The following PTPRN2 variants were observed in gnomAD, a reference collection of about 807,000 sequenced individuals.
PTPRN2 encodes protein tyrosine phosphatase receptor type N2.
PTPRN2 carries 74 observed loss-of-function variants against 118.8 expected under a neutral mutation model. The observed-to-expected ratio is 0.62, with a 90% CI of 0.52 to 0.76. PTPRN2 has a LOEUF of 0.76. Ranked by LOEUF, PTPRN2 falls within the 30% of genes least tolerant of loss-of-function variation. The pLI is 0.00. For missense variants in PTPRN2, 1,481 were observed against 1,394.4 expected, an observed-to-expected ratio of 1.06 and a Z score of -0.99; for synonymous variants, 641 against 608.0, an observed-to-expected ratio of 1.05 and a Z score of -0.80.
At chr7:157,942,451 T>C (rs1048827654) in intron 11 of PTPRN2, among the ~76,000 whole-genome samples, 2 of 152,170 alleles carry the variant, frequency 1.3e-5, no homozygotes, top group Admixed American at 6.5e-5. Flanking sequence ...CTGAAAATGC[T>C]CCCACAGAAT....
chr7:157,984,713 CCT>C (rs1207496912), intron 11 of PTPRN2, among the ~76,000 whole-genome samples: 2 of 152,134 alleles, frequency 1.3e-5, no homozygotes, highest in Non-Finnish European at 2.9e-5. Flanking sequence ...CACTTTTCTC[CCT>C]GACTCCAGCT....
intron 15 of PTPRN2, among the ~76,000 whole-genome samples, chr7:157,606,663 C>T (rs1359730352): frequency 6.6e-6 from 1 of 152,268 alleles, no homozygotes. Context: ...CTGCGCACCT[C>T]CTGTGGGCGC....
intron 11 of PTPRN2, among the ~76,000 whole-genome samples, chr7:158,071,073 TGG>T (rs1563389144): frequency 6.2e-5 from 5 of 80,082 alleles, no homozygotes; most frequent in Non-Finnish European, 9.7e-5. Flanking sequence ...GTGCTCGTGG[TGG>T]TGGAGGTGCC....
chr7:157,788,735 C>T (rs1356304729), intron 12 of PTPRN2, among the ~76,000 whole-genome samples: 1 of 152,076 alleles, frequency 6.6e-6, no homozygotes, highest in Admixed American at 6.5e-5. Flanking sequence ...CGGGGCCACC[C>T]CACTGCCACG....
chr7:158,165,569 C>A (rs140171555), intron 6 of PTPRN2, among the ~76,000 whole-genome samples: 1 of 152,252 alleles, frequency 6.6e-6, no homozygotes, highest in Non-Finnish European at 1.5e-5. Context: ...GGAGAGCTCC[C>A]GGCTGCAGAC....
At chr7:158,260,196 G>A (rs1797306439) in intron 3 of PTPRN2, among the ~76,000 whole-genome samples, 1 of 152,208 alleles carries the variant, frequency 6.6e-6, no homozygotes, top group Admixed American at 6.5e-5. Context: ...ACAGTCACCA[G>A]GCTGCCTAAA....
intron 11 of PTPRN2, among the ~76,000 whole-genome samples, chr7:157,954,106 G>T (rs949970585): frequency 4.0e-5 from 6 of 151,724 alleles, no homozygotes; most frequent in African/African-American, 1.2e-4. Context: ...GTGCACGTGT[G>T]CTGTGTGGTG....
At chr7:157,736,405 G>A (rs1026441809) in intron 12 of PTPRN2, among the ~76,000 whole-genome samples, 5 of 152,182 alleles carry the variant, frequency 3.3e-5, no homozygotes, top group African/African-American at 9.7e-5. Context: ...CCAAAAGGGC[G>A]GCCCCGATCC....
intron 12 of PTPRN2, chr7:157,854,651 A>G (rs892740): frequency 0.76 from 116,068 of 152,748 alleles, 44,319 homozygotes; most frequent in East Asian, 0.91. Context: ...TGGCATGAGC[A>G]GGTGGAGCTG....
At chr7:157,859,766 A>C (rs1201455683) in intron 12 of PTPRN2, among the ~76,000 whole-genome samples, 2 of 104,718 alleles carry the variant, frequency 1.9e-5, no homozygotes, top group Non-Finnish European at 2.0e-5. Context: ...ACACTCCTGC[A>C]GGGAGAGCCC....
At chr7:157,549,150 C>T (rs998819548) in intron 21 of PTPRN2, 131 bp from the exon 22 acceptor site, 50 of 869,420 alleles carry the variant, frequency 5.8e-5, no homozygotes, top group Middle Eastern at 2.2e-4. Context: ...ATCCCTCAGC[C>T]GGCTGGCAGG....
At chr7:158,095,890 A>G (rs556129114) in intron 10 of PTPRN2, among the ~76,000 whole-genome samples, 2 of 152,304 alleles carry the variant, frequency 1.3e-5, no homozygotes, top group Non-Finnish European at 2.9e-5. Context: ...GAGATAAAAG[A>G]TTCAAGTCCT....
intron 13 of PTPRN2, among the ~76,000 whole-genome samples, chr7:157,659,024 T>C (rs936044229): frequency 6.6e-6 from 1 of 151,602 alleles, no homozygotes; most frequent in African/African-American, 2.4e-5. Context: ...GCCGGCTTCC[T>C]TGTGTCCATT....
chr7:158,396,528 G>A (rs771979439), intron 2 of PTPRN2, among the ~76,000 whole-genome samples: 3 of 152,062 alleles, frequency 2.0e-5, no homozygotes, highest in African/African-American at 7.2e-5. Flanking sequence ...CCTCCTCGCC[G>A]AGTGAGTTTT....
chr7:157,662,519 C>T lies in PTPRN2; in HGVS notation c.2002-5968G>A, dbSNP rs186100853. ...GTTGGGCGTTCGTGGGAAGGGGTGC[C>T]GTGGGGCCGGGAGGAGGGGACCCTC... On this transcript the variant is annotated intron_variant, in intron 13 of 22. Coordinates refer to ENST00000389418, the MANE Select transcript of PTPRN2 (RefSeq NM_002847.5). Among the ~76,000 whole-genome samples, 289 of 152,230 alleles carry T rather than the reference C, an allele frequency of 1.9e-3. 2 individuals are homozygous for T. Among genetic ancestry groups the T allele is most frequent in the African/African-American group, 6.6e-3 (274 of 41,536 alleles).
chr7:157,707,751 C>A (rs1053600752), intron 12 of PTPRN2, among the ~76,000 whole-genome samples: 4 of 152,096 alleles, frequency 2.6e-5, no homozygotes, highest in African/African-American at 7.2e-5. Flanking sequence ...AGGCACGCAC[C>A]ACTACGCCCA....
chr7:157,669,459 G>A, intron 13 of PTPRN2: 1 of 459,426 alleles, frequency 2.2e-6, no homozygotes, highest in South Asian at 1.5e-5. Flanking sequence ...GGATGCCCCT[G>A]ACAGCAGCGC....
chr7:157,809,664 C>T (rs1055109998), intron 12 of PTPRN2, among the ~76,000 whole-genome samples: 64 of 152,112 alleles, frequency 4.2e-4, no homozygotes, highest in African/African-American at 1.4e-3. Flanking sequence ...CGGAGTGAGG[C>T]GTCTACCTGC....
chr7:157,737,845 T>C (rs1432202460), intron 12 of PTPRN2, among the ~76,000 whole-genome samples: 2 of 152,164 alleles, frequency 1.3e-5, no homozygotes, highest in Non-Finnish European at 1.5e-5. Flanking sequence ...AATCTGCAAA[T>C]ACCACCCCCG....
Sources: allele counts gnomAD v4.1 joint callset (sites outside exome capture counted in the v4.1 genomes callset), GRCh38; gene constraint gnomAD v4.1.1; transcripts MANE v1.5; gene names NCBI Gene and HGNC (gene_info 2026-07-23, HGNC 2026-07-21).